MRTFA: variants seen among roughly 807,000 people sequenced by gnomAD.
MRTFA encodes the protein myocardin related transcription factor A.
A neutral mutation model predicts 83.5 loss-of-function variants in MRTFA; 20 were observed. The ratio of observed to expected loss-of-function variants is 0.24; its 90% CI spans 0.17 to 0.35. The LOEUF is 0.35. Among genes scored for constraint, MRTFA ranks in the 10% least tolerant of loss-of-function variants. The pLI, the probability that MRTFA is intolerant of heterozygous loss-of-function variation, is 1.00. For synonymous variants in MRTFA, 659 were observed against 541.2 expected (o/e 1.22, Z -3.02); for missense variants, 1,200 against 1,224.7 (o/e 0.98, Z 0.30).
chr22:40,613,590 T>C (rs2056412188), intron 1 of MRTFA, among the ~76,000 whole-genome samples: 2 of 152,132 alleles, frequency 1.3e-5, no homozygotes, highest in Non-Finnish European at 2.9e-5. Context: ...GTATGGTGGC[T>C]CGTGCCTGTA....
At chr22:40,635,145 CGACATTAA>C (rs2056681189) in intron 1 of MRTFA, among the ~76,000 whole-genome samples, 1 of 152,122 alleles carries the variant, frequency 6.6e-6, no homozygotes, top group South Asian at 2.1e-4. Flanking sequence ...AAAATGCAAA[CGACATTAA>C]GCAAAACTTA....
At chr22:40,452,874 AT>A (rs922714798) in intron 4 of MRTFA, among the ~76,000 whole-genome samples, 1 of 151,784 alleles carries the variant, frequency 6.6e-6, no homozygotes, top group Non-Finnish European at 1.5e-5. Context: ...TCATGGTTGG[AT>A]TCTTCTTCGG....
intron 2 of MRTFA, among the ~76,000 whole-genome samples, chr22:40,566,634 C>A (rs2055707885): frequency 1.3e-5 from 2 of 152,090 alleles, no homozygotes; most frequent in Admixed American, 6.5e-5. Flanking sequence ...GAGTTTGAGA[C>A]CAGCCTGGCC....
intron 3 of MRTFA, among the ~76,000 whole-genome samples, chr22:40,507,887 C>T (rs992949802): frequency 6.2e-5 from 9 of 144,856 alleles, no homozygotes; most frequent in African/African-American, 1.0e-4. Context: ...TGCTTGAACC[C>T]GGGAGGCAGA....
At position 40,574,084 on chromosome 22, in the gene MRTFA, T is replaced by C. The variant is rs4821959; in HGVS notation, c.-22+20590A>G. Among the ~76,000 whole-genome samples the C allele has an allele frequency of 7.2e-5, 11 of 151,860 alleles. 1 individual carries two copies. Among genetic ancestry groups the C allele is most frequent in the Admixed American group, 7.2e-4 (11 of 15,264 alleles). Reference sequence around the variant, plus strand: ...GGGACATTTGTAAGTTAAACTATTCTTTTTCTTTTCCTGTGAGTGCATGGT... The same window carrying C: ...GGGACATTTGTAAGTTAAACTATTCCTTTTCTTTTCCTGTGAGTGCATGGT... On this transcript the variant is annotated intron_variant, in intron 2 of 14. Coordinates refer to ENST00000355630, the MANE Select transcript of MRTFA (RefSeq NM_020831.6).
At chr22:40,491,654 G>C (rs984454482) in intron 3 of MRTFA, among the ~76,000 whole-genome samples, 1 of 152,130 alleles carries the variant, frequency 6.6e-6, no homozygotes, top group African/African-American at 2.4e-5. Context: ...CCCACATAAA[G>C]AGTAATTCCG....
intron 3 of MRTFA, among the ~76,000 whole-genome samples, chr22:40,472,526 C>G (rs2053932326): frequency 6.6e-6 from 1 of 152,168 alleles, no homozygotes; most frequent in Non-Finnish European, 1.5e-5. Flanking sequence ...TTTCCATGAT[C>G]ATTTTTAATA....
intron 4 of MRTFA, among the ~76,000 whole-genome samples, chr22:40,444,868 C>T (rs1188478351): frequency 6.6e-6 from 1 of 152,128 alleles, no homozygotes; most frequent in East Asian, 1.9e-4. Context: ...AGGAGTTTGG[C>T]ACCAGCTTGG....
At position 40,411,130 on chromosome 22, in the gene MRTFA, A is replaced by G. The variant is rs2052517882; in HGVS notation, c.*260T>C. ...CCTCAAAAAAGGAGGTCAAGCTGAA[A>G]TGGCCCTGACCCTGACCGTGTGTCC... On this transcript the variant is annotated 3_prime_UTR_variant, in exon 15 of 15. Coordinates refer to ENST00000355630, the MANE Select transcript of MRTFA (RefSeq NM_020831.6). The G allele has an allele frequency of 1.1e-5, 4 of 371,626 alleles. No individual in the cohort carries two copies. The East Asian group carries it at 1.6e-4, about 15-fold the overall frequency. 23.0% of individuals were successfully genotyped at this position (371,626 alleles called of 1,614,324 possible).
chr22:40,448,260 A>G (rs915965886), intron 4 of MRTFA, among the ~76,000 whole-genome samples: 1 of 152,220 alleles, frequency 6.6e-6, no homozygotes, highest in African/African-American at 2.4e-5. Context: ...CAGCGAGCCA[A>G]GATCACACCA....
At chr22:40,608,174 C>T (rs2056341709) in intron 1 of MRTFA, among the ~76,000 whole-genome samples, 1 of 152,034 alleles carries the variant, frequency 6.6e-6, no homozygotes, top group African/African-American at 2.4e-5. Context: ...ACACACCCGG[C>T]TACTTTTTTA....
At chr22:40,494,298 G>A (rs2054315656) in intron 3 of MRTFA, among the ~76,000 whole-genome samples, 1 of 151,782 alleles carries the variant, frequency 6.6e-6, no homozygotes, top group Non-Finnish European at 1.5e-5. Context: ...AAACTACTAG[G>A]TTAAAAAAAA....
At chr22:40,509,022 A>G (rs965058391) in intron 3 of MRTFA, among the ~76,000 whole-genome samples, 2 of 152,208 alleles carry the variant, frequency 1.3e-5, no homozygotes, top group Non-Finnish European at 2.9e-5. Context: ...AGTGGGCAGG[A>G]ATGCTTGTAT....
In MRTFA at chr22:40,448,418, G is replaced by A. The variant is rs535928854; in HGVS notation, c.308-12864C>T. Among the ~76,000 whole-genome samples, 57 of 152,252 alleles carry A rather than the reference G, an allele frequency of 3.7e-4. 2 individuals are homozygous for A. The South Asian group carries it at 0.012, about 32-fold the overall frequency. On this transcript the variant is annotated intron_variant, in intron 4 of 14. Coordinates refer to ENST00000355630, the MANE Select transcript of MRTFA (RefSeq NM_020831.6). ...GAGCCCGGGAGGCAAAGGTTGCTGT[G>A]AGCCAAGATCACACCACTGCACTCC...
intron 2 of MRTFA, among the ~76,000 whole-genome samples, chr22:40,567,952 A>C (rs376316820): frequency 6.6e-6 from 1 of 152,354 alleles, no homozygotes; most frequent in Non-Finnish European, 1.5e-5. Context: ...ATTTTCCTAA[A>C]TTCTTGAGCA....
At chr22:40,615,686 C>CTTTTTTTTTTTTT (rs59431175) in intron 1 of MRTFA, among the ~76,000 whole-genome samples, 1 of 142,328 alleles carries the variant, frequency 7.0e-6, no homozygotes, top group Non-Finnish European at 1.5e-5. Context: ...ATTTTCTTTT[C>CTTTTTTTTTTTTT]TTTTTTTTTT....
intron 2 of MRTFA, among the ~76,000 whole-genome samples, chr22:40,574,967 C>G (rs2055847938): frequency 6.6e-6 from 1 of 152,158 alleles, no homozygotes; most frequent in Admixed American, 6.5e-5. Flanking sequence ...GCAGACTCCA[C>G]TTTGTGAACT....
intron 2 of MRTFA, among the ~76,000 whole-genome samples, chr22:40,590,022 G>GAAA (rs1189334273): frequency 1.1e-5 from 1 of 94,224 alleles, no homozygotes; most frequent in Non-Finnish European, 2.2e-5. Context: ...ACTCCGTCTC[G>GAAA]AAAAAAAAAA....
chr22:40,563,106 G>A (rs140350025), intron 2 of MRTFA, among the ~76,000 whole-genome samples: 9 of 152,050 alleles, frequency 5.9e-5, no homozygotes, highest in Admixed American at 1.3e-4. Context: ...CAACAGTACC[G>A]GCCCCTTCAC....
Sources: allele counts gnomAD v4.1 joint callset (sites outside exome capture counted in the v4.1 genomes callset), GRCh38; gene constraint gnomAD v4.1.1; transcripts MANE v1.5; gene names NCBI Gene and HGNC (gene_info 2026-07-23, HGNC 2026-07-21).